The following PDE7B variants were observed in gnomAD, a reference collection of about 807,000 sequenced individuals.
PDE7B encodes phosphodiesterase 7B.
Under a neutral mutation model 56.2 loss-of-function variants are expected in PDE7B, and 29 were observed. That is an observed-to-expected ratio of 0.52 (90% CI 0.38 to 0.70). The LOEUF (loss-of-function observed/expected upper bound fraction) is 0.70, where lower values mean the gene tolerates loss of function less well. PDE7B is among the 30% of genes least tolerant of loss of function. The pLI is 0.00. For missense variants in PDE7B, 490 were observed against 565.0 expected (o/e 0.87, Z 1.35); for synonymous variants, 197 against 196.9 (o/e 1.00, Z 0.00).
At chr6:136,124,241 A>G (rs915007501) in intron 3 of PDE7B, among the ~76,000 whole-genome samples, 1 of 152,146 alleles carries the variant, frequency 6.6e-6, no homozygotes, top group African/African-American at 2.4e-5. Flanking sequence ...ATAAAAAATA[A>G]AAACTTAGGT....
At chr6:135,853,699 T>C (rs1774975816) in intron 1 of PDE7B, among the ~76,000 whole-genome samples, 1 of 152,162 alleles carries the variant, frequency 6.6e-6, no homozygotes, top group Admixed American at 6.5e-5. Flanking sequence ...CAGTGGTGAC[T>C]ATATGTCAGC....
intron 8 of PDE7B, among the ~76,000 whole-genome samples, chr6:136,163,499 C>T (rs912519594): frequency 1.3e-5 from 2 of 152,226 alleles, no homozygotes; most frequent in Middle Eastern, 3.2e-3. Context: ...TGTGATGGTT[C>T]GGGCTGCCAT....
chr6:136,094,462 C>T (rs1329030934), intron 2 of PDE7B, among the ~76,000 whole-genome samples: 1 of 152,114 alleles, frequency 6.6e-6, no homozygotes, highest in Non-Finnish European at 1.5e-5. Context: ...TGAAATGCTC[C>T]TCCCAGATAG....
At chr6:135,996,517 C>T (rs1232840369) in intron 2 of PDE7B, among the ~76,000 whole-genome samples, 1 of 152,138 alleles carries the variant, frequency 6.6e-6, no homozygotes, top group Non-Finnish European at 1.5e-5. Context: ...GAGAAAATAA[C>T]GGAGGCAAAA....
chr6:135,987,512 C>A (rs1297668259), intron 2 of PDE7B, among the ~76,000 whole-genome samples: 1 of 152,064 alleles, frequency 6.6e-6, no homozygotes, highest in Non-Finnish European at 1.5e-5. Flanking sequence ...AAATGGAGGC[C>A]ACCAGAACTG....
chr6:136,132,505 C>G (rs1009612773), intron 3 of PDE7B, among the ~76,000 whole-genome samples: 2 of 152,110 alleles, frequency 1.3e-5, no homozygotes, highest in African/African-American at 4.8e-5. Flanking sequence ...ATTATTAAAC[C>G]TTTCCAAACT....
chr6:136,100,569 T>G (rs145102930), intron 2 of PDE7B, among the ~76,000 whole-genome samples: 359 of 152,310 alleles, frequency 2.4e-3, no homozygotes, highest in African/African-American at 8.2e-3. Context: ...AGTTCTCTGT[T>G]TGTCTGTTAG....
chr6:136,186,200 G>T (rs920294235), intron 11 of PDE7B, among the ~76,000 whole-genome samples: 1 of 152,016 alleles, frequency 6.6e-6, no homozygotes, highest in Admixed American at 6.5e-5. Flanking sequence ...AGGATAGCTT[G>T]AGCTCAGAAG....
chr6:135,942,342 G>A (rs910438815), intron 1 of PDE7B, among the ~76,000 whole-genome samples: 1 of 114,088 alleles, frequency 8.8e-6, no homozygotes, highest in Non-Finnish European at 1.9e-5. Flanking sequence ...GTAAGGATAG[G>A]TGCAGTAATT....
intron 2 of PDE7B, chr6:136,037,587 T>C: frequency 2.0e-6 from 2 of 985,324 alleles, no homozygotes; most frequent in Non-Finnish European, 1.2e-6. Flanking sequence ...AGCTGCAGAT[T>C]GGCTCTGCAG....
intron 1 of PDE7B, among the ~76,000 whole-genome samples, chr6:135,902,656 T>G (rs1416364084): frequency 6.6e-6 from 1 of 152,208 alleles, no homozygotes; most frequent in East Asian, 1.9e-4. Flanking sequence ...GATTTGTTCT[T>G]CAGTCCTGCA....
chr6:135,916,787 T>C (rs1216219890), intron 1 of PDE7B, among the ~76,000 whole-genome samples: 1 of 152,158 alleles, frequency 6.6e-6, no homozygotes, highest in Non-Finnish European at 1.5e-5. Context: ...TACAATTTCA[T>C]TGTCAGATAT....
intron 1 of PDE7B, among the ~76,000 whole-genome samples, chr6:135,943,583 G>A (rs1222514733): frequency 6.6e-6 from 1 of 152,216 alleles, no homozygotes; most frequent in Non-Finnish European, 1.5e-5. Context: ...TCCATAGTGA[G>A]TGGTACTGCC....
chr6:136,191,583 G>C lies in PDE7B; in HGVS notation c.1127-31G>C, dbSNP rs769628585. On this transcript the variant is annotated intron_variant, in intron 12 of 12. Transcript: ENST00000308191. Reference sequence around the variant, plus strand: ...AGTAAGGAGCGGGTTTCACCACGCTGTGATGCTGAGCCTTGACTTGCCTGT... The same window carrying C: ...AGTAAGGAGCGGGTTTCACCACGCTCTGATGCTGAGCCTTGACTTGCCTGT... The C allele has an allele frequency of 2.5e-6, 4 of 1,584,470 alleles. 1 individual carries two copies. Among genetic ancestry groups the C allele is most frequent in the South Asian group, 2.2e-5 (2 of 89,998 alleles).
intron 3 of PDE7B, among the ~76,000 whole-genome samples, chr6:136,131,494 G>A (rs1053340363): frequency 1.2e-5 from 1 of 84,712 alleles, no homozygotes; most frequent in East Asian, 4.0e-4. Context: ...ATCCTGGCAG[G>A]TTTTTTTTTT....
chr6:136,000,178 G>A (rs1313488515), intron 2 of PDE7B, among the ~76,000 whole-genome samples: 2 of 152,148 alleles, frequency 1.3e-5, no homozygotes, highest in Admixed American at 6.6e-5. Flanking sequence ...AGTTTGCATA[G>A]TTTTCTCCCA....
intron 8 of PDE7B, among the ~76,000 whole-genome samples, chr6:136,172,811 A>G (rs958271277): frequency 6.6e-6 from 1 of 152,134 alleles, no homozygotes; most frequent in Non-Finnish European, 1.5e-5. Flanking sequence ...TAATTTTTGT[A>G]TAAGGTGTAA....
intron 8 of PDE7B, among the ~76,000 whole-genome samples, chr6:136,161,629 A>T (rs1778705456): frequency 6.6e-6 from 1 of 152,206 alleles, no homozygotes. Context: ...TAATAATTTT[A>T]AAATTTCTTT....
chr6:135,921,657 T>A (rs1021203387), intron 1 of PDE7B, among the ~76,000 whole-genome samples: 3 of 152,068 alleles, frequency 2.0e-5, no homozygotes, highest in African/African-American at 7.2e-5. Context: ...GATTTGCCAA[T>A]GAAAATAAAT....
Sources: gnomAD v4.1 joint callset for allele counts (sites outside exome capture counted in the v4.1 genomes callset) on GRCh38, gnomAD v4.1.1 for gene constraint, MANE v1.5 for transcripts, NCBI Gene and HGNC (gene_info 2026-07-23, HGNC 2026-07-21) for gene names.